Variants in VPS8 observed in about 807,000 individuals in gnomAD.
The protein encoded by VPS8 is VPS8 subunit of CORVET complex, also known as vacuolar protein sorting-associated protein 8 homolog.
A neutral mutation model predicts 216.4 loss-of-function variants in VPS8; 129 were observed. That is an observed-to-expected ratio of 0.60 (90% CI 0.52 to 0.69). The LOEUF is 0.69. Ranked by LOEUF, VPS8 falls within the 30% of genes least tolerant of loss-of-function variation. The pLI is 0.00. For synonymous variants in VPS8, 571 were observed against 565.4 expected, an observed-to-expected ratio of 1.01 and a Z score of -0.14; for missense variants, 1,531 against 1,683.5, an observed-to-expected ratio of 0.91 and a Z score of 1.59.
chr3:184,932,894 T>C (rs1366760137), intron 34 of VPS8, among the ~76,000 whole-genome samples: 1 of 152,246 alleles, frequency 6.6e-6, no homozygotes, highest in African/African-American at 2.4e-5. Flanking sequence ...GTTTTAACTA[T>C]TAAGAACAGT....
At chr3:184,907,256 A>G (rs1201997899) in intron 25 of VPS8, among the ~76,000 whole-genome samples, 1 of 152,188 alleles carries the variant, frequency 6.6e-6, no homozygotes, top group African/African-American at 2.4e-5. Flanking sequence ...TGAATACACA[A>G]TTTAGTCTGG....
intron 47 of VPS8, among the ~76,000 whole-genome samples, chr3:185,050,753 A>G (rs1022720518): frequency 6.6e-6 from 1 of 152,186 alleles, no homozygotes; most frequent in Non-Finnish European, 1.5e-5. Context: ...TGTTTGGTAG[A>G]CACAGACAGG....
At chr3:184,814,355 C>A (rs1472531038) in intron 1 of VPS8, among the ~76,000 whole-genome samples, 1 of 152,192 alleles carries the variant, frequency 6.6e-6, no homozygotes, top group Non-Finnish European at 1.5e-5. Flanking sequence ...CCTCATTCTT[C>A]CTGTTACAGT....
At chr3:184,851,025 T>C (rs1343462849) in intron 10 of VPS8, among the ~76,000 whole-genome samples, 1 of 152,236 alleles carries the variant, frequency 6.6e-6, no homozygotes, top group Non-Finnish European at 1.5e-5. Context: ...ATATATGTCT[T>C]ATCTCTCTTA....
intron 22 of VPS8, among the ~76,000 whole-genome samples, chr3:184,890,760 A>G (rs551778284): frequency 1.3e-5 from 2 of 152,296 alleles, no homozygotes; most frequent in East Asian, 3.9e-4. Flanking sequence ...TTGGCATTAG[A>G]GTCTTTTGTA....
chr3:184,915,425 G>T lies in VPS8; in HGVS notation c.2333G>T (p.Arg778Leu), dbSNP rs372164376. The T allele has an allele frequency of 2.5e-6, 4 of 1,613,622 alleles. No individual in the cohort carries two copies. Among genetic ancestry groups the T allele is most frequent in the African/African-American group, 1.3e-5 (1 of 74,898 alleles). ...SPEEEIYPYI[R>L]TLLHFDTREF... ...GAGGAAGAAATCTATCCTTACATTC[G>T]GACTTTGCTACATTTTGACACAAGA... The change falls in exon 28 of 48, where the codon CGG becomes CTG. Residue 778 changes from arginine to leucine, a missense_variant. By Grantham distance (102) the Arg-to-Leu change is moderately radical. This residue lies in a region of VPS8 where 1,318 missense variants were observed against 1,468.4 expected (regional missense o/e 0.90). Coordinates refer to ENST00000625842, the MANE Select transcript of VPS8 (RefSeq NM_001009921.3).
rs1560705211 is a variant in VPS8 at position 184,924,969 on chromosome 3, A to G, written c.2562A>G (p.Thr854=). 1 of 1,613,522 alleles carries G rather than the reference A, an allele frequency of 6.2e-7. No homozygotes were observed. Among genetic ancestry groups the G allele is most frequent in the Non-Finnish European group, 8.5e-7 (1 of 1,179,734 alleles). The change falls in exon 30 of 48, where the codon ACA becomes ACG. Residue 854 remains threonine (T), a synonymous_variant. Coordinates refer to ENST00000625842, the MANE Select transcript of VPS8 (RefSeq NM_001009921.3). ...ACAACACCTTGTTTGTAAACAGAAC[A>G]CTTTTTGATCAGGTAAGTGTCTAGC... ...KPDNTLFVNR[T]LFDQVLEFLC... is the part of the protein sequence containing the mutation.
At chr3:184,915,159 G>C in intron 27 of VPS8, 106 bp downstream of exon 27, 1 of 1,391,530 alleles carries the variant, frequency 7.2e-7, no homozygotes, top group Non-Finnish European at 1.0e-6. Flanking sequence ...GCTATCACCT[G>C]TTGCAGGAGA....
At chr3:184,987,018 C>G (rs1163241520) in intron 42 of VPS8, among the ~76,000 whole-genome samples, 1 of 152,058 alleles carries the variant, frequency 6.6e-6, no homozygotes, top group Non-Finnish European at 1.5e-5. Flanking sequence ...GCATAATGTC[C>G]TATATCCACC....
chr3:184,822,282 G>A lies in VPS8; in HGVS notation c.-88-2263G>A, dbSNP rs564611676. Among the ~76,000 whole-genome samples, 8 of 152,188 alleles carry A rather than the reference G, an allele frequency of 5.3e-5. No homozygotes were observed. The South Asian group carries it at 1.7e-3, about 32-fold the overall frequency. ...GTCCACTTTGCCAGCACATTACATTGGTAAAAGGAGCTCAGTGAAATGAAG... is the reference window on the plus strand; with the variant it reads ...GTCCACTTTGCCAGCACATTACATTAGTAAAAGGAGCTCAGTGAAATGAAG... On this transcript the variant is annotated intron_variant, in intron 1 of 47. Transcript: ENST00000625842.
At chr3:185,031,759 G>C (rs1758203154) in intron 46 of VPS8, among the ~76,000 whole-genome samples, 1 of 152,172 alleles carries the variant, frequency 6.6e-6, no homozygotes, top group African/African-American at 2.4e-5. Flanking sequence ...GAGGTGTTTG[G>C]TCGGTGACAG....
chr3:185,037,795 A>G (rs537794415), intron 46 of VPS8, among the ~76,000 whole-genome samples: 3 of 152,194 alleles, frequency 2.0e-5, no homozygotes, highest in Non-Finnish European at 2.9e-5. Flanking sequence ...AGAATTTTCA[A>G]TCATTCTTTT....
rs57069028 is a variant in VPS8 at position 184,891,609 on chromosome 3, G to C, written c.1782-3094G>C. ...TTTTAGTGTATTCACAGCTGTGTAA[G>C]TATCACCACATGCCTTTTTAAAGGA... is the stretch of plus-strand genomic sequence containing the variant. On this transcript the variant is annotated intron_variant, in intron 22 of 47. Transcript: ENST00000625842. Among the ~76,000 whole-genome samples, 698 of 152,268 alleles carry C rather than the reference G, an allele frequency of 4.6e-3. 8 individuals carry two copies. The highest frequency in any genetic ancestry group is 0.016 in the African/African-American group (656 of 41,570).
intron 42 of VPS8, among the ~76,000 whole-genome samples, chr3:184,986,208 A>G (rs761291076): frequency 2.0e-5 from 3 of 152,170 alleles, no homozygotes; most frequent in South Asian, 4.1e-4. Context: ...GAAATCAAGG[A>G]AAGAAAGGAG....
At chr3:184,875,197 A>C (rs897494561) in intron 21 of VPS8, among the ~76,000 whole-genome samples, 2 of 151,860 alleles carry the variant, frequency 1.3e-5, no homozygotes, top group African/African-American at 4.8e-5. Context: ...CACAGTCAAA[A>C]TACTGAGAAT....
chr3:184,928,512 G>A lies in VPS8; in HGVS notation c.2693G>A (p.Arg898Gln), dbSNP rs533496392. Residue 898 changes from arginine (R) to glutamine (Q), a missense_variant, in exon 32 of 48, where the codon CGG becomes CAG. Arg to Gln is a conservative substitution (Grantham distance 43, BLOSUM62 1). This residue lies in a region of VPS8 where 1,318 missense variants were observed against 1,468.4 expected (regional missense o/e 0.90). Coordinates refer to ENST00000625842, the MANE Select transcript of VPS8 (RefSeq NM_001009921.3). ...IVQFEESRLI[R>Q]MAEKAEFYQI... ...CAATTTGAAGAGAGTCGACTCATCCGGATGGCAGAAAAAGCTGAGTTGTAA... is the reference window on the plus strand; with the variant it reads ...CAATTTGAAGAGAGTCGACTCATCCAGATGGCAGAAAAAGCTGAGTTGTAA... 2.9e-5 allele frequency: 44 copies of A among 1,522,800 alleles called. No homozygotes were observed. Among genetic ancestry groups the A allele is most frequent in the African/African-American group, 4.3e-5 (3 of 69,016 alleles). The allele number at this position is 1,522,800 out of a possible 1,614,324, so 94.3% of individuals were successfully genotyped here. A position where few individuals can be genotyped will look rare whatever the true frequency, so the allele number is the denominator to read the frequency against.
At chr3:184,982,420 T>A (rs994599824) in intron 40 of VPS8, 146 bp from the exon 41 acceptor site, 25 of 600,250 alleles carry the variant, frequency 4.2e-5, no homozygotes, top group Non-Finnish European at 6.6e-5. Flanking sequence ...TATTTCCATT[T>A]TTATTTTTTC....
At chr3:184,968,021 G>T (rs1577013139) in intron 39 of VPS8, among the ~76,000 whole-genome samples, 1 of 151,860 alleles carries the variant, frequency 6.6e-6, no homozygotes, top group African/African-American at 2.4e-5. Context: ...TACCTATAAA[G>T]CAACAGCTCC....
intron 16 of VPS8, among the ~76,000 whole-genome samples, chr3:184,865,771 T>C (rs1727235273): frequency 6.6e-6 from 1 of 152,150 alleles, no homozygotes; most frequent in Non-Finnish European, 1.5e-5. Context: ...GAGGATCACC[T>C]GAGGTCAGGA....
Sources: allele counts gnomAD v4.1 joint callset (sites outside exome capture counted in the v4.1 genomes callset), GRCh38; gene constraint gnomAD v4.1.1; regional missense constraint gnomAD v4.1.1; transcripts MANE v1.5; gene names NCBI Gene and HGNC (gene_info 2026-07-23, HGNC 2026-07-21).